The following GART variants were observed in gnomAD, a reference collection of about 807,000 sequenced individuals.
GART encodes the protein phosphoribosylglycinamide formyltransferase, phosphoribosylglycinamide synthetase, phosphoribosylaminoimidazole synthetase.
Under a neutral mutation model 107.2 loss-of-function variants are expected in GART, and 43 were observed. The ratio of observed to expected loss-of-function variants is 0.40; its 90% CI spans 0.31 to 0.52. The LOEUF (loss-of-function observed/expected upper bound fraction) is 0.52. GART is among the 20% of genes least tolerant of loss of function. The probability of loss-of-function intolerance (pLI) is 0.52; values close to 1 mark genes in which losing one functional copy is unlikely to be tolerated. For synonymous variants in GART, 434 were observed against 427.0 expected (o/e 1.02, Z -0.20); for missense variants, 1,107 against 1,206.5 (o/e 0.92, Z 1.22).
intron 15 of GART, 66 bp from the exon 16 acceptor site, chr21:33,517,207 C>T: frequency 6.4e-7 from 1 of 1,562,374 alleles, no homozygotes; most frequent in Non-Finnish European, 8.7e-7. Context: ...TAAAAATCAA[C>T]CTGGAGAATG....
chr21:33,515,669 A>C (rs1159952092), intron 16 of GART, among the ~76,000 whole-genome samples: 3 of 151,120 alleles, frequency 2.0e-5, no homozygotes, highest in African/African-American at 7.3e-5. Flanking sequence ...AAAAAAAAAA[A>C]AAAAAACGAA....
upstream of GART, chr21:33,542,228 G>A (rs1215634131): frequency 6.6e-6 from 1 of 152,424 alleles, no homozygotes; most frequent in African/African-American, 2.4e-5. Flanking sequence ...CGAGAATCTA[G>A]TCTGATTCCC....
At chr21:33,509,980 G>A in intron 17 of GART, 60 bp from the exon 18 acceptor site, 2 of 1,457,428 alleles carry the variant, frequency 1.4e-6, no homozygotes, top group African/African-American at 1.4e-5. Context: ...CAAGAATAAT[G>A]GAAAGAAAAA....
chr21:33,525,004 G>A lies in GART; in HGVS notation c.1067-4C>T. 1 of 1,612,380 alleles carries A rather than the reference G, an allele frequency of 6.2e-7. No individual in the cohort carries two copies. The highest frequency in any genetic ancestry group is 8.5e-7 in the Non-Finnish European group (1 of 1,179,274). On this transcript the variant is annotated splice_polypyrimidine_tract_variant and splice_region_variant and intron_variant, in intron 10 of 21. Transcript: ENST00000381815. ...AGAGCTTGAGCCTCAGGAAACCCTA[G>A]AAGAGAGCATATTTGACATATGATT...
At chr21:33,509,997 A>G in intron 17 of GART, 77 bp from the exon 18 acceptor site, 1 of 1,366,086 alleles carries the variant, frequency 7.3e-7, no homozygotes. Context: ...AAAATATTTT[A>G]TGAAAACTTT....
At chr21:33,509,505 T>A (rs2084745913) in intron 18 of GART, 1 of 286,568 alleles carries the variant, frequency 3.5e-6, no homozygotes, top group Non-Finnish European at 6.4e-6. Flanking sequence ...TTCAGACTTT[T>A]CAACAACAAA....
intron 18 of GART, among the ~76,000 whole-genome samples, chr21:33,506,824 C>T (rs2084690704): frequency 6.6e-6 from 1 of 152,142 alleles, no homozygotes; most frequent in Non-Finnish European, 1.5e-5. Flanking sequence ...AGGTGCTCAA[C>T]ATCATTATCA....
chr21:33,504,739 A>T (rs2084650206), intron 20 of GART, among the ~76,000 whole-genome samples: 1 of 152,198 alleles, frequency 6.6e-6, no homozygotes, highest in Non-Finnish European at 1.5e-5. Flanking sequence ...AGTTAAAGGC[A>T]TGCTGGGGTG....
chr21:33,509,776 A>G lies in GART; in HGVS notation c.2452+7T>C. On this transcript the variant is annotated splice_region_variant and intron_variant, in intron 18 of 21. Coordinates refer to ENST00000381815, the MANE Select transcript of GART (RefSeq NM_000819.5). ...AGCTCTACAGTGAAGGGGAAGCCAC[A>G]TCTCACCTGTTCCAGATATTAAGAC... The G allele has an allele frequency of 1.2e-6, 2 of 1,613,236 alleles. No homozygotes were observed. Among genetic ancestry groups the G allele is most frequent in the Non-Finnish European group, 1.7e-6 (2 of 1,179,764 alleles).
intron 14 of GART, chr21:33,518,694 T>C (rs951996236): frequency 2.7e-5 from 12 of 444,476 alleles, no homozygotes; most frequent in East Asian, 1.2e-4. Context: ...TCATTCTTAA[T>C]AGCCTCATCA....
In GART at chr21:33,534,562, G is replaced by A. The variant is rs1003034319; in HGVS notation, c.416+17C>T. On this transcript the variant is annotated intron_variant, in intron 4 of 21. Coordinates refer to ENST00000381815, the MANE Select transcript of GART (RefSeq NM_000819.5). ...CAAAACTAAACAACTGTCCTTCACAGACAACCATTTACCTACCTCAAAATG... is the reference window on the plus strand; with the variant it reads ...CAAAACTAAACAACTGTCCTTCACAAACAACCATTTACCTACCTCAAAATG... 2.2e-5 allele frequency: 36 copies of A among 1,613,534 alleles called. No homozygotes were observed. The highest frequency in any genetic ancestry group is 3.0e-5 in the Non-Finnish European group (35 of 1,179,802).
At chr21:33,537,059 T>C (rs1768912953) in intron 2 of GART, among the ~76,000 whole-genome samples, 1 of 152,284 alleles carries the variant, frequency 6.6e-6, no homozygotes, top group African/African-American at 2.4e-5. Context: ...TGTGGGTTAG[T>C]GGTTCTGAAC....
chr21:33,523,383 G>C (rs2085007665), intron 11 of GART, among the ~76,000 whole-genome samples: 2 of 152,050 alleles, frequency 1.3e-5, no homozygotes, highest in African/African-American at 2.4e-5. Flanking sequence ...CTAACACTGT[G>C]GCATTTCCAT....
chr21:33,533,826 G>A (rs1296770469), intron 4 of GART, among the ~76,000 whole-genome samples: 3 of 151,810 alleles, frequency 2.0e-5, no homozygotes, highest in Non-Finnish European at 4.4e-5. Flanking sequence ...GATCACTTGA[G>A]TCCAGGAAGC....
In GART at chr21:33,520,456, T is replaced by C; in HGVS notation, c.1610A>G (p.Tyr537Cys). 1.2e-6 allele frequency: 2 copies of C among 1,614,140 alleles called. No homozygotes were observed. The highest frequency in any genetic ancestry group is 1.7e-6 in the Non-Finnish European group (2 of 1,179,992). The change falls in exon 14 of 22, where the codon TAC (tyrosine) becomes TGC (cysteine). Residue 537 changes from tyrosine to cysteine, a missense_variant. By Grantham distance (194) the Tyr-to-Cys change is radical. Coordinates refer to ENST00000381815, the MANE Select transcript of GART (RefSeq NM_000819.5). ...QGAEPLFFLDYFSCGKLDLSV... is the reference protein window; with the variant it reads ...QGAEPLFFLDCFSCGKLDLSV... ...GAGGTCAAGTTTTCCACAGGAAAAG[T>C]AATCAAGGAAGAAGAGGGGCTCTGC... is the stretch of plus-strand genomic sequence containing the variant.
At chr21:33,530,674 A>C (rs952131064) in intron 7 of GART, 85 bp downstream of exon 7, 2 of 1,271,052 alleles carry the variant, frequency 1.6e-6, no homozygotes, top group Non-Finnish European at 2.0e-6. Flanking sequence ...CAAACAGAAA[A>C]CAAAACAAAA....
chr21:33,524,076 A>C, intron 11 of GART: 3 of 985,278 alleles, frequency 3.0e-6, no homozygotes, highest in Non-Finnish European at 3.6e-6. Context: ...AATCAGTAAG[A>C]GGTCAAAAAA....
intron 11 of GART, chr21:33,524,444 G>T: frequency 1.7e-6 from 1 of 590,770 alleles, no homozygotes; most frequent in Non-Finnish European, 2.1e-6. Context: ...CCAGCTATTT[G>T]GGAGGCTGAG....
rs754115572 is a variant in GART at position 33,504,122 on chromosome 21, C to T, written c.*2G>A. 6.9e-6 allele frequency: 11 copies of T among 1,600,546 alleles called. No homozygotes were observed. In the East Asian group the frequency reaches 2.5e-4, roughly 36 times the overall value. ...CTGGCCCCATTTCTGAATTAAAAGG[C>T]TTCATTCCTCTTTAACCCAACAGAT... On this transcript the variant is annotated 3_prime_UTR_variant, in exon 22 of 22. Coordinates refer to ENST00000381815, the MANE Select transcript of GART (RefSeq NM_000819.5).
Sources: gnomAD v4.1 joint callset for allele counts (sites outside exome capture counted in the v4.1 genomes callset) on GRCh38, gnomAD v4.1.1 for gene constraint, MANE v1.5 for transcripts, NCBI Gene and HGNC (gene_info 2026-07-23, HGNC 2026-07-21) for gene names.